PHOX2A: variants seen among roughly 807,000 people sequenced by gnomAD.
PHOX2A encodes paired mesoderm homeobox protein 2A.
A neutral mutation model predicts 16.4 loss-of-function variants in PHOX2A; 10 were observed. The ratio of observed to expected loss-of-function variants is 0.61; its 90% CI spans 0.38 to 1.04. PHOX2A has a LOEUF of 1.04. PHOX2A is among the 50% of genes least tolerant of loss of function. The probability of loss-of-function intolerance (pLI) is 0.01; values close to 1 mark genes in which losing one functional copy is unlikely to be tolerated. For synonymous variants in PHOX2A, 219 were observed against 203.8 expected, an observed-to-expected ratio of 1.07 and a Z score of -0.64; for missense variants, 361 against 419.4, an observed-to-expected ratio of 0.86 and a Z score of 1.22.
intron 1 of PHOX2A, among the ~76,000 whole-genome samples, chr11:72,242,953 C>T (rs960116062): frequency 2.4e-4 from 37 of 152,166 alleles, no homozygotes; most frequent in African/African-American, 8.9e-4. Context: ...AGGCATGAGC[C>T]ACCGCGCCTG....
Position 72,240,136 on chromosome 11 carries a change from G to GCCCGCCGCC in PHOX2A, c.467_468insGGCGGCGGG (p.Ala161_Ala163dup), listed in dbSNP as rs1754272970. On this transcript the variant is annotated inframe_insertion, in exon 3 of 3. Transcript: ENST00000298231. ...TTTTGGCGCCCGCCGCGCCCGCCGCGCCCTTGGCGCTGGCCGCGCGCTCCT... is the reference window on the plus strand; with the variant it reads ...TTTTGGCGCCCGCCGCGCCCGCCGCGCCCGCCGCCCCCTTGGCGCTGGCCGCGCGCTCCT... 3 of 1,533,666 alleles carry GCCCGCCGCC rather than the reference G, an allele frequency of 2.0e-6. No individual in the cohort carries two copies. The highest frequency in any genetic ancestry group is 1.7e-6 in the Non-Finnish European group (2 of 1,144,780).
chr11:72,242,093 C>A (rs1174186809), intron 1 of PHOX2A, among the ~76,000 whole-genome samples: 1 of 151,976 alleles, frequency 6.6e-6, no homozygotes, highest in Non-Finnish European at 1.5e-5. Flanking sequence ...TGCCCTCCTT[C>A]TTCCTCCCCA....
chr11:72,243,950 A>T lies in PHOX2A; in HGVS notation c.55T>A (p.Ser19Thr). The T allele has an allele frequency of 8.1e-7, 1 of 1,229,150 alleles. No individual in the cohort carries two copies. The highest frequency in any genetic ancestry group is 1.0e-6 in the Non-Finnish European group (1 of 974,500). The allele number at this position is 1,229,150 out of a possible 1,614,324, so 76.1% of individuals were successfully genotyped here. A position where few individuals can be genotyped will look rare whatever the true frequency, so the allele number is the denominator to read the frequency against. ...YDSCVAAMEA[S>T]AYGDFGACSQ... ...CAGGCGCCAAAGTCGCCGTAGGCGG[A>T]CGCCTCCATGGCCGCCACGCACGAG... The change falls in exon 1 of 3, where the codon TCC becomes ACC. Residue 19 changes from serine (S) to threonine (T), a missense_variant. Ser to Thr is a moderately conservative substitution (Grantham distance 58). Coordinates refer to ENST00000298231, the MANE Select transcript of PHOX2A (RefSeq NM_005169.4).
intron 1 of PHOX2A, among the ~76,000 whole-genome samples, chr11:72,241,761 C>T (rs1341646054): frequency 6.6e-6 from 1 of 151,782 alleles, no homozygotes; most frequent in African/African-American, 2.4e-5. Flanking sequence ...AGTTCTGGGC[C>T]AAGGCTCTGC....
At chr11:72,240,746 A>G (rs1300047189) in intron 2 of PHOX2A, among the ~76,000 whole-genome samples, 1 of 152,180 alleles carries the variant, frequency 6.6e-6, no homozygotes, top group African/African-American at 2.4e-5. Context: ...GCGCCGGGGT[A>G]GGGAACCCCA....
In PHOX2A at chr11:72,239,379, C is replaced by A; in HGVS notation, c.*370G>T. 5.7e-6 allele frequency: 1 copy of A among 176,780 alleles called. No homozygotes were observed. The highest frequency in any genetic ancestry group is 1.2e-5 in the Non-Finnish European group (1 of 84,380). The allele number at this position is 176,780 out of a possible 1,614,324, so 11.0% of individuals were successfully genotyped here. A position where few individuals can be genotyped will look rare whatever the true frequency, so the allele number is the denominator to read the frequency against. ...CCTGATCACCAGCGTAAGGGGTGACCCAGCCGCTGCAGAGCCAGGGAAGGG... is the reference window on the plus strand; with the variant it reads ...CCTGATCACCAGCGTAAGGGGTGACACAGCCGCTGCAGAGCCAGGGAAGGG... On this transcript the variant is annotated 3_prime_UTR_variant, in exon 3 of 3. Coordinates refer to ENST00000298231, the MANE Select transcript of PHOX2A (RefSeq NM_005169.4).
intron 1 of PHOX2A, 55 bp from the exon 2 acceptor site, chr11:72,241,344 A>C: frequency 9.1e-7 from 1 of 1,095,688 alleles, no homozygotes; most frequent in Non-Finnish European, 1.3e-6. Context: ...GGGGAGTGAG[A>C]AGCAGAGTTC....
rs370435269 is a variant in PHOX2A, at chr11:72,241,245, G to T, written c.262C>A (p.Arg88Ser). 6.2e-7 allele frequency: 1 copy of T among 1,608,670 alleles called. No individual in the cohort carries two copies. Among genetic ancestry groups the T allele is most frequent in the African/African-American group, 1.4e-5 (1 of 72,938 alleles). The change falls in exon 2 of 3, where the codon CGC (arginine) becomes AGC (serine). Residue 88 changes from arginine to serine, a missense_variant. By Grantham distance (110) the Arg-to-Ser change is moderately radical. Around this residue, in one of 3 missense-constraint regions of PHOX2A, gnomAD observed 235 missense variants for 263.8 expected, o/e 0.89. Transcript: ENST00000298231. ...FPEPSGLHEK[R>S]KQRRIRTTFT... ...GTGGTGCGGATGCGCCGCTGCTTGC[G>T]CTTCTCGTGCAGGCCGGATGGCTCT...
chr11:72,239,668 G>C lies in PHOX2A; in HGVS notation c.*81C>G. The C allele has an allele frequency of 9.0e-7, 1 of 1,107,848 alleles. No homozygotes were observed. The highest frequency in any genetic ancestry group is 3.1e-5 in the East Asian group (1 of 32,066). The allele number at this position is 1,107,848 out of a possible 1,614,324, so 68.6% of individuals were successfully genotyped here. A position where few individuals can be genotyped will look rare whatever the true frequency, so the allele number is the denominator to read the frequency against. Reference sequence around the variant, plus strand: ...ACGGATGGGGACTTCCAGGCGGGTGGCCAGGATGGGAGGGGCTGTCAGGTC... The same window carrying C: ...ACGGATGGGGACTTCCAGGCGGGTGCCCAGGATGGGAGGGGCTGTCAGGTC... On this transcript the variant is annotated 3_prime_UTR_variant, in exon 3 of 3. Transcript: ENST00000298231.
intron 1 of PHOX2A, among the ~76,000 whole-genome samples, chr11:72,242,409 T>C (rs969281492): frequency 6.6e-6 from 1 of 152,122 alleles, no homozygotes; most frequent in African/African-American, 2.4e-5. Context: ...TCCCCAACCC[T>C]GAGTCCCCAT....
At chr11:72,243,217 C>T (rs1949135600) in intron 1 of PHOX2A, among the ~76,000 whole-genome samples, 2 of 152,186 alleles carry the variant, frequency 1.3e-5, no homozygotes, top group Non-Finnish European at 2.9e-5. Context: ...AACCCGGGCC[C>T]CTTTATTGCG....
Position 72,241,220 on chromosome 11 carries a change from G to A in PHOX2A, c.287C>T (p.Thr96Met), listed in dbSNP as rs1329217738. 7 of 1,613,638 alleles carry A rather than the reference G, an allele frequency of 4.3e-6. No homozygotes were observed. Among genetic ancestry groups the A allele is most frequent in the Non-Finnish European group, 5.9e-6 (7 of 1,179,882 alleles). The change falls in exon 2 of 3, where the codon ACG becomes ATG. Residue 96 changes from threonine to methionine, a missense_variant. Physicochemically the swap from Thr to Met is moderately conservative, Grantham distance 81. Transcript: ENST00000298231. The stretch of plus-strand genomic sequence containing the variant: ...CTCCTTGAGCTGCGCGCTGGTGAAC[G>A]TGGTGCGGATGCGCCGCTGCTTGCG... ...EKRKQRRIRT[T>M]FTSAQLKELE...
rs760983326 is a variant in PHOX2A at position 72,239,767 on chromosome 11, C to A, written c.837G>T (p.Leu279=). The A allele has an allele frequency of 3.0e-6, 4 of 1,319,482 alleles. No homozygotes were observed. The highest frequency in any genetic ancestry group is 5.6e-5 in the South Asian group (2 of 35,788). The allele number at this position is 1,319,482 out of a possible 1,614,324, so 81.7% of individuals were successfully genotyped here. A position where few individuals can be genotyped will look rare whatever the true frequency, so the allele number is the denominator to read the frequency against. The change falls in exon 3 of 3, where the codon CTG becomes CTT. Residue 279 remains leucine (L), a synonymous_variant. Coordinates refer to ENST00000298231, the MANE Select transcript of PHOX2A (RefSeq NM_005169.4). The stretch of plus-strand genomic sequence containing the variant: ...CCGGCAGCTAGAAGAGATTGGTCTT[C>A]AGGGCGGGGCCGGGCTTCCGGTGAA... ...SSFHRKPGPA[L]KTNLF
chr11:72,241,350 A>C lies in PHOX2A; in HGVS notation c.218-61T>G, dbSNP rs1949119885. On this transcript the variant is annotated intron_variant, in intron 1 of 2. Coordinates refer to ENST00000298231, the MANE Select transcript of PHOX2A (RefSeq NM_005169.4). Reference sequence around the variant, plus strand: ...AAAAGGATGGGGGAGTGAGAAGCAGAGTTCAACCCGTTGTGTCCAGCTCCG... The same window carrying C: ...AAAAGGATGGGGGAGTGAGAAGCAGCGTTCAACCCGTTGTGTCCAGCTCCG... 2.8e-6 allele frequency: 3 copies of C among 1,053,946 alleles called. No individual in the cohort carries two copies. In the South Asian group the frequency reaches 4.6e-5, roughly 16 times the overall value. The allele number at this position is 1,053,946 out of a possible 1,614,324, so 65.3% of individuals were successfully genotyped here.
chr11:72,239,855 A>C lies in PHOX2A; in HGVS notation c.749T>G (p.Leu250Arg). 1 of 1,382,444 alleles carries C rather than the reference A, an allele frequency of 7.2e-7. No individual in the cohort carries two copies. Among genetic ancestry groups the C allele is most frequent in the South Asian group, 1.7e-5 (1 of 57,384 alleles). 85.6% of individuals were successfully genotyped at this position (1,382,444 alleles called of 1,614,324 possible). Residue 250 changes from leucine (L) to arginine (R), a missense_variant, in exon 3 of 3, where the codon CTA (leucine) becomes CGA (arginine). By Grantham distance (102) the Leu-to-Arg change is moderately radical. This residue lies in a region of PHOX2A where 71 missense variants were observed against 54.1 expected (regional missense o/e 1.31). Transcript: ENST00000298231. ...CTCCGCCGGCTGCCAAGCCTTAAGT[A>C]GTTCGGCCGCTCCCGCGCCAGGCCC... ...GGGPGAGAAELLKAWQPAESG... is the reference protein window; with the variant it reads ...GGGPGAGAAERLKAWQPAESG...
intron 1 of PHOX2A, among the ~76,000 whole-genome samples, chr11:72,241,591 C>T (rs1179296333): frequency 6.7e-6 from 1 of 148,486 alleles, no homozygotes; most frequent in Non-Finnish European, 1.5e-5. Flanking sequence ...TCGTCGCCCT[C>T]CTCCCAAGCC....
chr11:72,241,322 G>GGGGC, intron 1 of PHOX2A, 33 bp from the exon 2 acceptor site: 9 of 626,604 alleles, frequency 1.4e-5, no homozygotes, highest in Middle Eastern at 5.0e-4. Context: ...CGGGGGGGGG[G>GGGGC]CAAAAAGGAT....
rs552768942 is a variant in PHOX2A at position 72,242,787 on chromosome 11, G to T, written c.217+1001C>A. On this transcript the variant is annotated intron_variant, in intron 1 of 2. Transcript: ENST00000298231. ...TTCTCCTGCCTCAGACTCCCAAGTA[G>T]CTGGGATTACAGGCGTGGGCCACCA... Among the ~76,000 whole-genome samples, 6 of 152,002 alleles carry T rather than the reference G, an allele frequency of 3.9e-5. No individual in the cohort carries two copies. In the East Asian group the frequency reaches 1.2e-3, roughly 29 times the overall value.
At position 72,239,792 on chromosome 11, in the gene PHOX2A, A is replaced by G; in HGVS notation, c.812T>C (p.Phe271Ser). ...CAGGGCGGGGCCGGGCTTCCGGTGA[A>G]AGGAGGACAGAACCCCGGAGAAGGG... ...PGPFSGVLSSFHRKPGPALKT... is the reference protein window; with the variant it reads ...PGPFSGVLSSSHRKPGPALKT... Residue 271 changes from phenylalanine to serine, a missense_variant, in exon 3 of 3, where the codon TTT becomes TCT. Transcript: ENST00000298231. The G allele has an allele frequency of 1.5e-6, 2 of 1,343,798 alleles. No homozygotes were observed. Among genetic ancestry groups the G allele is most frequent in the Non-Finnish European group, 1.9e-6 (2 of 1,038,724 alleles). 83.2% of individuals were successfully genotyped at this position (1,343,798 alleles called of 1,614,324 possible).
Sources: allele counts gnomAD v4.1 joint callset (sites outside exome capture counted in the v4.1 genomes callset), GRCh38; gene constraint gnomAD v4.1.1; regional missense constraint gnomAD v4.1.1; transcripts MANE v1.5; gene names NCBI Gene and HGNC (gene_info 2026-07-23, HGNC 2026-07-21).